The following CPED1 variants were observed in gnomAD, a reference collection of about 807,000 sequenced individuals.
The protein encoded by CPED1 is cadherin like and PC-esterase domain containing 1.
Under a neutral mutation model 128.2 loss-of-function variants are expected in CPED1, and 114 were observed. The observed-to-expected ratio is 0.89, with a 90% CI of 0.76 to 1.04. The LOEUF (loss-of-function observed/expected upper bound fraction) is 1.04, where lower values mean the gene tolerates loss of function less well. Among genes scored for constraint, CPED1 ranks in the 50% least tolerant of loss-of-function variants. CPED1 has a pLI of 0.00. For missense variants in CPED1, 1,211 were observed against 1,207.1 expected, an observed-to-expected ratio of 1.00 and a Z score of -0.05; for synonymous variants, 462 against 426.7, an observed-to-expected ratio of 1.08 and a Z score of -1.02.
chr7:121,069,399 T>A (rs1157494383), intron 5 of CPED1, among the ~76,000 whole-genome samples: 2 of 152,160 alleles, frequency 1.3e-5, no homozygotes, highest in African/African-American at 2.4e-5. Context: ...GTCACAGACT[T>A]TATCTTCAGT....
At chr7:121,035,491 C>G (rs1339275396) in intron 3 of CPED1, among the ~76,000 whole-genome samples, 1 of 151,988 alleles carries the variant, frequency 6.6e-6, no homozygotes, top group East Asian at 1.9e-4. Context: ...TTGAAGATGT[C>G]CTTATGCCTT....
At chr7:121,193,036 C>G (rs1040800740) in intron 16 of CPED1, among the ~76,000 whole-genome samples, 1 of 152,116 alleles carries the variant, frequency 6.6e-6, no homozygotes, top group Non-Finnish European at 1.5e-5. Flanking sequence ...TGACCAAGAG[C>G]ATATAGAACT....
At chr7:121,129,051 T>G (rs940248389) in intron 11 of CPED1, among the ~76,000 whole-genome samples, 1 of 151,780 alleles carries the variant, frequency 6.6e-6, no homozygotes, top group Non-Finnish European at 1.5e-5. Flanking sequence ...GTTAATTCCT[T>G]GGTTAGTATC....
At chr7:121,278,510 A>G (rs987651604) in intron 22 of CPED1, among the ~76,000 whole-genome samples, 6 of 152,194 alleles carry the variant, frequency 3.9e-5, no homozygotes, top group Non-Finnish European at 5.9e-5. Flanking sequence ...AAATCTTTCA[A>G]TGACCCTGTG....
intron 16 of CPED1, among the ~76,000 whole-genome samples, chr7:121,226,501 TGAG>T (rs1166165591): frequency 6.6e-6 from 1 of 152,002 alleles, no homozygotes; most frequent in East Asian, 1.9e-4. Flanking sequence ...GATGGACACT[TGAG>T]ATGTGTTTAG....
At chr7:121,039,138 C>A (rs978484669) in intron 3 of CPED1, among the ~76,000 whole-genome samples, 2 of 152,038 alleles carry the variant, frequency 1.3e-5, no homozygotes, top group Non-Finnish European at 2.9e-5. Flanking sequence ...TGGAATTCTT[C>A]TGCATGAGAG....
At chr7:121,102,307 C>T (rs781709205) in intron 7 of CPED1, among the ~76,000 whole-genome samples, 21 of 151,996 alleles carry the variant, frequency 1.4e-4, no homozygotes, top group Non-Finnish European at 2.8e-4. Flanking sequence ...TTTGTGCATT[C>T]TCTATTTTGT....
chr7:121,011,119 G>A (rs1792155636), intron 2 of CPED1, among the ~76,000 whole-genome samples: 1 of 151,706 alleles, frequency 6.6e-6, no homozygotes, highest in Admixed American at 6.6e-5. Context: ...CACATCCAAA[G>A]TCTACTATAT....
chr7:121,075,492 G>C (rs906760235), intron 5 of CPED1, among the ~76,000 whole-genome samples: 5 of 151,992 alleles, frequency 3.3e-5, no homozygotes, highest in African/African-American at 1.2e-4. Flanking sequence ...TTTTGAGGCA[G>C]AGTCTTGTTC....
intron 16 of CPED1, among the ~76,000 whole-genome samples, chr7:121,213,642 C>T (rs545944679): frequency 6.6e-6 from 1 of 152,112 alleles, no homozygotes; most frequent in African/African-American, 2.4e-5. Flanking sequence ...CTGTAGGAAA[C>T]CTCACAAAAC....
chr7:121,251,603 G>A (rs1380028108), intron 18 of CPED1, among the ~76,000 whole-genome samples: 1 of 152,164 alleles, frequency 6.6e-6, no homozygotes, highest in African/African-American at 2.4e-5. Flanking sequence ...AAGCTGATAA[G>A]CAACTACAGC....
chr7:121,159,409 A>T (rs1171431840), intron 16 of CPED1, among the ~76,000 whole-genome samples: 1 of 152,186 alleles, frequency 6.6e-6, no homozygotes, highest in African/African-American at 2.4e-5. Context: ...TGACTTGATC[A>T]GAAGTTTTTG....
intron 4 of CPED1, chr7:121,061,105 C>G (rs150832516): frequency 5.7e-6 from 1 of 174,122 alleles, no homozygotes; most frequent in Non-Finnish European, 1.1e-5. Flanking sequence ...CCGGACACGC[C>G]GCCTTTAAGA....
At chr7:121,201,982 A>C (rs1797410893) in intron 16 of CPED1, among the ~76,000 whole-genome samples, 1 of 152,130 alleles carries the variant, frequency 6.6e-6, no homozygotes, top group Non-Finnish European at 1.5e-5. Flanking sequence ...AGCATAGCAA[A>C]ATTAATCCTG....
intron 3 of CPED1, among the ~76,000 whole-genome samples, chr7:121,034,403 A>G (rs1307023816): frequency 6.6e-6 from 1 of 151,772 alleles, no homozygotes; most frequent in Non-Finnish European, 1.5e-5. Context: ...ATCCACCACC[A>G]TGCCCAGCTA....
At chr7:121,046,793 T>G in intron 3 of CPED1, 94 bp from the exon 4 acceptor site, 1 of 758,712 alleles carries the variant, frequency 1.3e-6, no homozygotes, top group Non-Finnish European at 2.1e-6. Context: ...GTTTCAGAAT[T>G]TAAATAATTA....
intron 3 of CPED1, among the ~76,000 whole-genome samples, chr7:121,038,088 G>A (rs997624253): frequency 2.6e-5 from 4 of 152,066 alleles, no homozygotes; most frequent in Non-Finnish European, 4.4e-5. Flanking sequence ...AGCAAGCAGC[G>A]ACAGTTTGAC....
intron 18 of CPED1, chr7:121,261,796 C>G (rs1282444305): frequency 6.8e-7 from 1 of 1,464,236 alleles, no homozygotes; most frequent in African/African-American, 1.4e-5. Context: ...TGGGTTTGAC[C>G]TATTCCAAGT....
At chr7:121,240,524 A>G (rs954377758) in intron 17 of CPED1, among the ~76,000 whole-genome samples, 5 of 152,194 alleles carry the variant, frequency 3.3e-5, no homozygotes, top group African/African-American at 1.2e-4. Context: ...AAGTAAATTC[A>G]GCTTTTTAAA....
Sources: allele counts gnomAD v4.1 joint callset (sites outside exome capture counted in the v4.1 genomes callset), GRCh38; gene constraint gnomAD v4.1.1; transcripts MANE v1.5; gene names NCBI Gene and HGNC (gene_info 2026-07-23, HGNC 2026-07-21).